NEBL: variants seen among roughly 807,000 people sequenced by gnomAD.
NEBL encodes nebulette.
Under a neutral mutation model 140.2 loss-of-function variants are expected in NEBL, and 122 were observed. The ratio of observed to expected loss-of-function variants is 0.87; its 90% CI spans 0.75 to 1.01. The LOEUF is 1.01. Among genes scored for constraint, NEBL ranks in the 50% least tolerant of loss-of-function variants. The pLI is 0.00. For synonymous variants in NEBL, 436 were observed against 398.9 expected, an observed-to-expected ratio of 1.09 and a Z score of -1.11; for missense variants, 1,365 against 1,231.3, an observed-to-expected ratio of 1.11 and a Z score of -1.62.
rs1232200250 is a variant in NEBL at position 20,897,232 on chromosome 10, T to C, written c.-27A>G. The C allele has an allele frequency of 1.1e-5, 17 of 1,540,158 alleles. No homozygotes were observed. The highest frequency in any genetic ancestry group is 1.4e-5 in the Non-Finnish European group (16 of 1,144,092). ...TTTACCCTTTAAAATATTTATATTT[T>C]TAAAATTTACTCATGTGGCGTCCTT... is the stretch of plus-strand genomic sequence containing the variant. On this transcript the variant is annotated 5_prime_UTR_variant, in exon 1 of 28. The change abolishes the stop of an existing upstream ORF in the 5' untranslated region. Transcript: ENST00000377122.
chr10:21,024,517 A>T (rs894409950), intron 2 of NEBL, among the ~76,000 whole-genome samples: 2 of 152,098 alleles, frequency 1.3e-5, no homozygotes, highest in Non-Finnish European at 2.9e-5. Context: ...TCCAAAAAAA[A>T]AAAAAGAAGG....
intron 3 of NEBL, among the ~76,000 whole-genome samples, chr10:20,997,352 C>T (rs924900476): frequency 2.0e-5 from 3 of 151,920 alleles, no homozygotes; most frequent in South Asian, 4.2e-4. Flanking sequence ...CATTAGACTT[C>T]CATCTCTCCC....
intron 5 of NEBL, among the ~76,000 whole-genome samples, chr10:20,877,069 C>A (rs140118858): frequency 6.0e-4 from 92 of 152,260 alleles, no homozygotes; most frequent in Admixed American, 2.0e-3. Context: ...ATTGAACTTC[C>A]TTTACTTGTT....
At chr10:20,909,657 C>A (rs1848247508) in intron 4 of NEBL, among the ~76,000 whole-genome samples, 1 of 152,062 alleles carries the variant, frequency 6.6e-6, no homozygotes, top group Admixed American at 6.6e-5. Flanking sequence ...GACTTTTATA[C>A]TATACAGTCT....
Position 20,850,451 on chromosome 10 carries a change from A to G in NEBL, c.1060T>C (p.Phe354Leu), listed in dbSNP as rs1842396535. 3 of 1,612,612 alleles carry G rather than the reference A, an allele frequency of 1.9e-6. No individual in the cohort carries two copies. The East Asian group carries it at 6.7e-5, about 36-fold the overall frequency. Residue 354 changes from phenylalanine (F) to leucine (L), a missense_variant, in exon 11 of 28, where the codon TTT becomes CTT. Physicochemically the swap from Phe to Leu is conservative, Grantham distance 22. Transcript: ENST00000377122. ...GCTTGATATGATGGTGTCTCAACAA[A>G]TTCAAGCATTGGCTTTCCCTTATTT... Reference protein sequence around the residue: ...EKNKGKPMLEFVETPSYQASK... With the variant: ...EKNKGKPMLELVETPSYQASK...
intron 4 of NEBL, among the ~76,000 whole-genome samples, chr10:20,955,845 G>A (rs1835774855): frequency 1.3e-5 from 2 of 151,340 alleles, no homozygotes; most frequent in South Asian, 4.2e-4. Flanking sequence ...AAGGAATATG[G>A]GAAAAAAGGA....
In NEBL at chr10:21,244,340, A is replaced by ATTT. The variant is rs753062414; in HGVS notation, n.348+3578_348+3580dup. 1.8e-3 allele frequency among the ~76,000 whole-genome samples: 263 copies of ATTT among 143,330 alleles called. 1 individual carries two copies. The highest frequency in any genetic ancestry group is 7.9e-3 in the East Asian group (37 of 4,706). The allele number at this position is 143,330 out of a possible 152,430, so 94.0% of individuals were successfully genotyped here. ...GCCACCATGCCCAGCTAAATTTTGT[A>ATTT]TTTTTTTTTTTTCAGTAGAGACTTG... is the stretch of plus-strand genomic sequence containing the variant. On this transcript the variant is annotated intron_variant and non_coding_transcript_variant, in intron 3 of 8. Transcript: ENST00000675702.
Position 20,869,393 on chromosome 10 carries a change from G to C in NEBL, c.582+347C>G, listed in dbSNP as rs1282039472. ...AGCAGCAATATGGAAACAAGGCCAA[G>C]CAAGAGCCTTTGGAGCAAGGTGAGG... On this transcript the variant is annotated intron_variant, in intron 6 of 27. Coordinates refer to ENST00000377122, the MANE Select transcript of NEBL (RefSeq NM_006393.3). Among the ~76,000 whole-genome samples the C allele has an allele frequency of 2.0e-5, 3 of 152,156 alleles. No homozygotes were observed. The South Asian group carries it at 6.2e-4, about 32-fold the overall frequency.
intron 2 of NEBL, among the ~76,000 whole-genome samples, chr10:21,047,554 T>C (rs1834577159): frequency 6.6e-6 from 1 of 152,290 alleles, no homozygotes; most frequent in South Asian, 2.1e-4. Flanking sequence ...AAAAAGATTT[T>C]TTTTAACACA....
intron 7 of NEBL, among the ~76,000 whole-genome samples, chr10:20,866,834 A>G (rs1844342678): frequency 6.6e-6 from 1 of 152,086 alleles, no homozygotes; most frequent in Non-Finnish European, 1.5e-5. Flanking sequence ...TCACCTGTTG[A>G]TTGGCCATTT....
chr10:21,037,812 GA>G (rs1390200555), intron 2 of NEBL, among the ~76,000 whole-genome samples: 1 of 111,796 alleles, frequency 8.9e-6, no homozygotes, highest in Non-Finnish European at 1.9e-5. Context: ...CTCCCCTAAT[GA>G]AGAGTAGAAA....
chr10:21,282,285 G>A (rs1161829208), intron 1 of NEBL, among the ~76,000 whole-genome samples: 1 of 152,156 alleles, frequency 6.6e-6, no homozygotes, highest in Non-Finnish European at 1.5e-5. Context: ...TCCAGGCCTT[G>A]GGGAATTCCT....
Position 20,896,052 on chromosome 10 carries a change from C to T in NEBL, c.153+906G>A, listed in dbSNP as rs555360424. Among the ~76,000 whole-genome samples the T allele has an allele frequency of 2.0e-5, 3 of 152,280 alleles. No individual in the cohort carries two copies. The East Asian group carries it at 5.8e-4, about 29-fold the overall frequency. On this transcript the variant is annotated intron_variant, in intron 2 of 27. Transcript: ENST00000377122. ...CCACTACCCTCCTGCCCAGGACTGACTTCCGTTAGAAAACAAACGTGCAAA... is the reference window on the plus strand; with the variant it reads ...CCACTACCCTCCTGCCCAGGACTGATTTCCGTTAGAAAACAAACGTGCAAA...
At chr10:20,930,510 A>C (rs1409204115) in intron 4 of NEBL, among the ~76,000 whole-genome samples, 1 of 152,172 alleles carries the variant, frequency 6.6e-6, no homozygotes, top group Non-Finnish European at 1.5e-5. Flanking sequence ...TCATACCTTT[A>C]CTTCAAAACT....
chr10:21,257,718 T>C (rs888435548), intron 1 of NEBL, among the ~76,000 whole-genome samples: 9 of 152,094 alleles, frequency 5.9e-5, no homozygotes, highest in African/African-American at 2.2e-4. Flanking sequence ...ACCCCATCTC[T>C]ACTAAAAATA....
chr10:20,864,813 A>G (rs898424552), intron 7 of NEBL, among the ~76,000 whole-genome samples: 1 of 152,240 alleles, frequency 6.6e-6, no homozygotes, highest in African/African-American at 2.4e-5. Context: ...ACCTGAAAAT[A>G]CAAATGGAAT....
chr10:21,220,529 A>G (rs1179362641), intron 3 of NEBL, among the ~76,000 whole-genome samples: 4 of 152,232 alleles, frequency 2.6e-5, no homozygotes, highest in Non-Finnish European at 5.9e-5. Flanking sequence ...ATGTAAGATC[A>G]GACACTATAA....
chr10:21,018,184 G>A (rs1026388997), intron 3 of NEBL, among the ~76,000 whole-genome samples: 7 of 152,216 alleles, frequency 4.6e-5, no homozygotes, highest in African/African-American at 7.2e-5. Context: ...GTGTGTGTTA[G>A]TCCTCTTTCC....
chr10:20,828,303 A>G (rs1314806816), intron 17 of NEBL, among the ~76,000 whole-genome samples: 12 of 152,110 alleles, frequency 7.9e-5, no homozygotes, highest in Admixed American at 7.9e-4. Flanking sequence ...AATAACTGTC[A>G]TTTATACCGA....
Sources: gnomAD v4.1 joint callset for allele counts (sites outside exome capture counted in the v4.1 genomes callset) on GRCh38, gnomAD v4.1.1 for gene constraint, MANE v1.5 for transcripts, NCBI Gene and HGNC (gene_info 2026-07-23, HGNC 2026-07-21) for gene names.